The following SEM1 variants were observed in gnomAD, a reference collection of about 807,000 sequenced individuals.
SEM1 encodes SEM1 26S proteasome subunit.
In SEM1, 3 loss-of-function variants were observed where a neutral mutation model predicts 12.7. The ratio of observed to expected loss-of-function variants is 0.24; its 90% CI spans 0.11 to 0.61. The LOEUF (loss-of-function observed/expected upper bound fraction) is 0.61, where lower values mean the gene tolerates loss of function less well. Ranked by LOEUF, SEM1 falls within the 20% of genes least tolerant of loss-of-function variation. The pLI is 0.88. For missense variants in SEM1, 59 were observed against 81.3 expected, an observed-to-expected ratio of 0.73 and a Z score of 1.06; for synonymous variants, 30 against 27.8, an observed-to-expected ratio of 1.08 and a Z score of -0.25.
At chr7:96,560,394 G>A (rs951446207) in intron 2 of SEM1, among the ~76,000 whole-genome samples, 6 of 152,176 alleles carry the variant, frequency 3.9e-5, no homozygotes, top group Admixed American at 2.0e-4. Flanking sequence ...AAATGCTAAT[G>A]AGTTTTGCTT....
chr7:96,617,094 G>T, intron 2 of SEM1, among the ~76,000 whole-genome samples: 1 of 152,064 alleles, frequency 6.6e-6, no homozygotes, highest in Non-Finnish European at 1.5e-5. Flanking sequence ...AATGTCATTG[G>T]TAATTTGATA....
chr7:96,499,028 T>C (rs752636437), upstream of SEM1, among the ~76,000 whole-genome samples: 1 of 152,160 alleles, frequency 6.6e-6, no homozygotes, highest in Non-Finnish European at 1.5e-5. Context: ...ATGAAGCACA[T>C]AGATTTTTCA....
chr7:96,608,353 G>C (rs1401266989), intron 2 of SEM1, among the ~76,000 whole-genome samples: 1 of 152,062 alleles, frequency 6.6e-6, no homozygotes, highest in Admixed American at 6.6e-5. Flanking sequence ...CCCACCTGTT[G>C]GCACAAGGCA....
intron 2 of SEM1, among the ~76,000 whole-genome samples, chr7:96,531,426 C>A (rs1043087174): frequency 3.5e-5 from 5 of 142,908 alleles, no homozygotes; most frequent in Admixed American, 1.4e-4. Context: ...AAAAAAAAAA[C>A]AACAAAAAAA....
chr7:96,596,594 C>T (rs944067076), intron 2 of SEM1, among the ~76,000 whole-genome samples: 5 of 152,036 alleles, frequency 3.3e-5, no homozygotes, highest in African/African-American at 7.2e-5. Flanking sequence ...AGTGGTTACC[C>T]GACTTAAAAC....
At chr7:96,596,406 A>C (rs780230000) in intron 2 of SEM1, among the ~76,000 whole-genome samples, 46 of 152,206 alleles carry the variant, frequency 3.0e-4, no homozygotes, top group Non-Finnish European at 5.6e-4. Context: ...AATGACAAGA[A>C]GCATTTGAAT....
At chr7:96,591,291 C>T (rs1334380772) in intron 2 of SEM1, among the ~76,000 whole-genome samples, 1 of 152,074 alleles carries the variant, frequency 6.6e-6, no homozygotes, top group African/African-American at 2.4e-5. Flanking sequence ...AAAGATTTAC[C>T]TACTCTTCAT....
chr7:96,523,641 A>C (rs1380294924), intron 2 of SEM1, among the ~76,000 whole-genome samples: 2 of 151,410 alleles, frequency 1.3e-5, no homozygotes, highest in Non-Finnish European at 2.9e-5. Flanking sequence ...CCACCCACCA[A>C]CTCCTGGATA....
At chr7:96,489,635 A>G (rs1024289045) in intron 1 of SEM1, among the ~76,000 whole-genome samples, 1 of 152,168 alleles carries the variant, frequency 6.6e-6, no homozygotes, top group Non-Finnish European at 1.5e-5. Context: ...AACAACAGCA[A>G]TCTCTTCTCT....
intron 2 of SEM1, among the ~76,000 whole-genome samples, chr7:96,552,706 A>T (rs62471380): frequency 6.6e-6 from 1 of 151,016 alleles, no homozygotes; most frequent in South Asian, 2.1e-4. Context: ...GTATATACCC[A>T]GTAATGGGAT....
chr7:96,492,759 ATGTGTGTGTG>A (rs138520257), intron 1 of SEM1, among the ~76,000 whole-genome samples: 11 of 142,988 alleles, frequency 7.7e-5, no homozygotes, highest in East Asian at 4.1e-4. Flanking sequence ...AATAATATTC[ATGTGTGTGTG>A]TGTGTGTGTG....
At chr7:96,695,930 A>C (rs1001619003) in intron 1 of SEM1, 1 of 151,998 alleles carries the variant, frequency 6.6e-6, no homozygotes, top group Non-Finnish European at 1.5e-5. Context: ...GTCTTTGAAA[A>C]ATACTGTAGA....
intron 2 of SEM1, among the ~76,000 whole-genome samples, chr7:96,597,890 A>G (rs1807054843): frequency 6.6e-6 from 1 of 152,070 alleles, no homozygotes; most frequent in Non-Finnish European, 1.5e-5. Flanking sequence ...CATCCAAGTA[A>G]ACAAACACAT....
rs991866379 is a variant in SEM1, at chr7:96,682,362, G to C, written c.171-8503C>G. 4.0e-5 allele frequency among the ~76,000 whole-genome samples: 6 copies of C among 151,770 alleles called. No individual in the cohort carries two copies. In the East Asian group the frequency reaches 7.8e-4, roughly 20 times the overall value. ...ACAATTTGACTTCCTCTCTTCCTAT[G>C]TGAATACCCTTTATTTCTTTCTCTT... is the stretch of plus-strand genomic sequence containing the variant. On this transcript the variant is annotated intron_variant, in intron 2 of 2. Coordinates refer to the SEM1 transcript ENST00000413065.
intron 2 of SEM1, among the ~76,000 whole-genome samples, chr7:96,516,161 G>GA (rs1343613134): frequency 2.0e-5 from 3 of 151,974 alleles, no homozygotes; most frequent in African/African-American, 7.2e-5. Flanking sequence ...GATACCATAA[G>GA]AAAAAATCTA....
chr7:96,664,970 T>A (rs1460148208), intron 2 of SEM1, among the ~76,000 whole-genome samples: 18 of 152,192 alleles, frequency 1.2e-4, no homozygotes, highest in Non-Finnish European at 2.9e-5. Flanking sequence ...GTGTCCTCTT[T>A]ACTTGTTTTC....
chr7:96,508,000 C>A (rs901515150), intron 2 of SEM1, among the ~76,000 whole-genome samples: 1 of 151,998 alleles, frequency 6.6e-6, no homozygotes, highest in African/African-American at 2.4e-5. Context: ...TATCACCCTT[C>A]GCATATTTCT....
At chr7:96,526,774 C>T (rs1481892721) in intron 2 of SEM1, among the ~76,000 whole-genome samples, 1 of 151,990 alleles carries the variant, frequency 6.6e-6, no homozygotes, top group Non-Finnish European at 1.5e-5. Flanking sequence ...CTTCCCAGCC[C>T]CTGGGGCTTG....
intron 2 of SEM1, among the ~76,000 whole-genome samples, chr7:96,585,893 G>T (rs1379816464): frequency 1.3e-5 from 2 of 152,186 alleles, no homozygotes; most frequent in African/African-American, 4.8e-5. Context: ...GATGAACCCT[G>T]TACCTCAGAT....
Sources: allele counts gnomAD v4.1 joint callset (sites outside exome capture counted in the v4.1 genomes callset), GRCh38; gene constraint gnomAD v4.1.1; transcripts MANE v1.5; gene names NCBI Gene and HGNC (gene_info 2026-07-23, HGNC 2026-07-21).